Variants in SOBP observed in about 807,000 individuals in gnomAD.
SOBP encodes sine oculis binding protein homolog, also known as sine oculis-binding protein homolog.
A neutral mutation model predicts 53.6 loss-of-function variants in SOBP; 4 were observed. That is an observed-to-expected ratio of 0.07 (90% CI 0.04 to 0.17). The LOEUF (loss-of-function observed/expected upper bound fraction) is 0.17. Ranked by LOEUF, SOBP falls within the 10% of genes least tolerant of loss-of-function variation. The pLI, the probability that SOBP is intolerant of heterozygous loss-of-function variation, is 1.00. For synonymous variants in SOBP, 584 were observed against 522.6 expected, an observed-to-expected ratio of 1.12 and a Z score of -1.60; for missense variants, 1,088 against 1,204.7, an observed-to-expected ratio of 0.90 and a Z score of 1.43.
At chr6:107,502,001 G>A (rs372167687) in intron 1 of SOBP, among the ~76,000 whole-genome samples, 21 of 152,258 alleles carry the variant, frequency 1.4e-4, no homozygotes, top group African/African-American at 5.1e-4. Flanking sequence ...AATTGTTAAT[G>A]CACTGTACCA....
chr6:107,583,803 TC>T (rs1785482084), intron 4 of SOBP, among the ~76,000 whole-genome samples: 1 of 152,184 alleles, frequency 6.6e-6, no homozygotes, highest in Admixed American at 6.5e-5. Context: ...GGTTGAGTGT[TC>T]CTTATCCAAA....
At chr6:107,654,321 G>A (rs1176213335) in intron 6 of SOBP, among the ~76,000 whole-genome samples, 1 of 152,212 alleles carries the variant, frequency 6.6e-6, no homozygotes, top group East Asian at 1.9e-4. Context: ...TGTAGCAGGG[G>A]TGGGTTATCC....
intron 3 of SOBP, among the ~76,000 whole-genome samples, chr6:107,523,466 A>G (rs986017116): frequency 6.6e-5 from 10 of 152,350 alleles, no homozygotes; most frequent in African/African-American, 4.8e-5. Context: ...CCTTCAACCT[A>G]CTGAACTTGA....
At chr6:107,551,881 C>T (rs761964726) in intron 4 of SOBP, among the ~76,000 whole-genome samples, 13 of 152,028 alleles carry the variant, frequency 8.6e-5, no homozygotes, top group Non-Finnish European at 1.5e-4. Flanking sequence ...ATTAGCTGGG[C>T]ATGGTGGTGC....
Position 107,628,581 on chromosome 6 carries a change from G to A in SOBP, c.670-4933G>A, listed in dbSNP as rs1770567301. 3.9e-5 allele frequency among the ~76,000 whole-genome samples: 6 copies of A among 152,164 alleles called. No individual in the cohort carries two copies. The South Asian group carries it at 1.2e-3, about 32-fold the overall frequency. ...GCTGGGGATTGAAAATATATACTCTGTAAGAAGCTTAGTGATATGCCTAGC... is the reference window on the plus strand; with the variant it reads ...GCTGGGGATTGAAAATATATACTCTATAAGAAGCTTAGTGATATGCCTAGC... On this transcript the variant is annotated intron_variant, in intron 5 of 6. Transcript: ENST00000317357.
At chr6:107,608,748 T>C (rs1491004365) in intron 5 of SOBP, among the ~76,000 whole-genome samples, 1 of 152,188 alleles carries the variant, frequency 6.6e-6, no homozygotes. Flanking sequence ...GATACTGCCC[T>C]CAAGGGCAGA....
chr6:107,586,498 A>T (rs1011812869), intron 4 of SOBP, among the ~76,000 whole-genome samples: 1 of 149,240 alleles, frequency 6.7e-6, no homozygotes, highest in East Asian at 2.0e-4. Context: ...GTAACTTTTA[A>T]TGCAGCTTTT....
chr6:107,609,536 A>T (rs1786514658), intron 5 of SOBP, among the ~76,000 whole-genome samples: 1 of 152,210 alleles, frequency 6.6e-6, no homozygotes, highest in Admixed American at 6.5e-5. Flanking sequence ...CAATGCAGAG[A>T]TTCTTTGTCT....
chr6:107,519,816 A>C (rs1783427399), intron 3 of SOBP, among the ~76,000 whole-genome samples: 1 of 152,040 alleles, frequency 6.6e-6, no homozygotes. Flanking sequence ...TCTGCTCCCT[A>C]GGTTCATTTC....
At chr6:107,649,439 T>C (rs2115172670) in intron 6 of SOBP, among the ~76,000 whole-genome samples, 1 of 151,814 alleles carries the variant, frequency 6.6e-6, no homozygotes, top group Middle Eastern at 3.4e-3. Context: ...ATGGTGCCAC[T>C]GCACTCCAAC....
At chr6:107,504,329 AAG>A (rs1427490691) in intron 2 of SOBP, among the ~76,000 whole-genome samples, 1 of 152,222 alleles carries the variant, frequency 6.6e-6, no homozygotes, top group East Asian at 1.9e-4. Flanking sequence ...AAAGAGGAGT[AAG>A]AGAGTGGTAG....
At chr6:107,577,959 A>G (rs371995361) in intron 4 of SOBP, among the ~76,000 whole-genome samples, 1 of 151,860 alleles carries the variant, frequency 6.6e-6, no homozygotes, top group South Asian at 2.1e-4. Flanking sequence ...CTATAGTCCC[A>G]GCTACTCGGG....
chr6:107,655,436 C>G (rs1365796718), intron 6 of SOBP, among the ~76,000 whole-genome samples: 1 of 152,134 alleles, frequency 6.6e-6, no homozygotes, highest in African/African-American at 2.4e-5. Flanking sequence ...CAGAGAGGGA[C>G]TTGTACTGCC....
chr6:107,542,049 A>G (rs766432724), intron 4 of SOBP, among the ~76,000 whole-genome samples: 1 of 152,196 alleles, frequency 6.6e-6, no homozygotes, highest in Non-Finnish European at 1.5e-5. Flanking sequence ...CAAGAGAAAA[A>G]GTCCCTGTCT....
chr6:107,524,930 C>G (rs1001601037), intron 3 of SOBP, among the ~76,000 whole-genome samples: 2 of 152,220 alleles, frequency 1.3e-5, no homozygotes, highest in African/African-American at 4.8e-5. Context: ...ATGGCACACT[C>G]TCTCTCCTTT....
chr6:107,556,723 C>T lies in SOBP; in HGVS notation c.573+23113C>T, dbSNP rs559081912. Among the ~76,000 whole-genome samples, 36 of 152,284 alleles carry T rather than the reference C, an allele frequency of 2.4e-4. No homozygotes were observed. The South Asian group carries it at 3.9e-3, about 17-fold the overall frequency. On this transcript the variant is annotated intron_variant, in intron 4 of 6. Transcript: ENST00000317357. Reference sequence around the variant, plus strand: ...GGTTATACATGAATAAGAGGTAGAACGGAAACCATCAGCTTGGGCAGGTCT... The same window carrying T: ...GGTTATACATGAATAAGAGGTAGAATGGAAACCATCAGCTTGGGCAGGTCT...
intron 3 of SOBP, among the ~76,000 whole-genome samples, chr6:107,525,469 T>C (rs1308350175): frequency 6.6e-6 from 1 of 152,208 alleles, no homozygotes; most frequent in African/African-American, 2.4e-5. Flanking sequence ...GGAGAATAAA[T>C]GAGGAAGGGA....
At chr6:107,609,787 T>C (rs1786525227) in intron 5 of SOBP, among the ~76,000 whole-genome samples, 1 of 152,086 alleles carries the variant, frequency 6.6e-6, no homozygotes, top group African/African-American at 2.4e-5. Context: ...AGACCATCAC[T>C]GGCCCTAGGG....
At chr6:107,624,502 T>G (rs1770370102) in intron 5 of SOBP, among the ~76,000 whole-genome samples, 1 of 152,226 alleles carries the variant, frequency 6.6e-6, no homozygotes, top group South Asian at 2.1e-4. Context: ...GGAGTTGATC[T>G]GTGCTGGGAG....
Sources: allele counts gnomAD v4.1 joint callset (sites outside exome capture counted in the v4.1 genomes callset), GRCh38; gene constraint gnomAD v4.1.1; transcripts MANE v1.5; gene names NCBI Gene and HGNC (gene_info 2026-07-23, HGNC 2026-07-21).